The following TBC1D8 variants were observed in gnomAD, a reference collection of about 807,000 sequenced individuals.
TBC1D8 encodes TBC1 domain family member 8.
Under a neutral mutation model 118.8 loss-of-function variants are expected in TBC1D8, and 65 were observed. The ratio of observed to expected loss-of-function variants is 0.55; its 90% CI spans 0.45 to 0.67. TBC1D8 has a LOEUF of 0.67. Ranked by LOEUF, TBC1D8 falls within the 30% of genes least tolerant of loss-of-function variation. The pLI, the probability that TBC1D8 is intolerant of heterozygous loss-of-function variation, is 0.00. For missense variants in TBC1D8, 1,376 were observed against 1,471.2 expected (o/e 0.94, Z 1.06); for synonymous variants, 566 against 595.8 (o/e 0.95, Z 0.73).
rs769726360 is a variant in TBC1D8 at position 101,028,078 on chromosome 2, T to G, written c.2421A>C (p.Gln807His). Residue 807 changes from glutamine to histidine, a missense_variant, in exon 14 of 20, where the codon CAA becomes CAC. Transcript: ENST00000409318. ...LRYKHRIRVL[Q>H]GHEDTTKQNV... The stretch of plus-strand genomic sequence containing the variant: ...TCTGCTTTGTGGTGTCCTCGTGGCC[T>G]TGGAGGACCCTGATCCTGTGCTTGT... 6.2e-7 allele frequency: 1 copy of G among 1,613,914 alleles called. No individual in the cohort carries two copies. Among genetic ancestry groups the G allele is most frequent in the Non-Finnish European group, 8.5e-7 (1 of 1,179,912 alleles).
At chr2:101,108,853 C>G (rs1002270503) in intron 1 of TBC1D8, among the ~76,000 whole-genome samples, 1 of 152,004 alleles carries the variant, frequency 6.6e-6, no homozygotes, top group African/African-American at 2.4e-5. Context: ...AGCCTTTATT[C>G]AGCCTACCAC....
chr2:101,109,446 G>T (rs1449269816), intron 1 of TBC1D8, among the ~76,000 whole-genome samples: 1 of 152,110 alleles, frequency 6.6e-6, no homozygotes, highest in Non-Finnish European at 1.5e-5. Context: ...ACGGGTCAAA[G>T]ACAAAAATAT....
chr2:101,151,010 C>T, intron 1 of TBC1D8, 117 bp downstream of exon 1: 2 of 733,006 alleles, frequency 2.7e-6, no homozygotes, highest in Non-Finnish European at 3.3e-6. Flanking sequence ...GCCGTCCGGG[C>T]CCCGCGTCTC....
At chr2:101,125,040 A>G (rs1277404599) in intron 1 of TBC1D8, among the ~76,000 whole-genome samples, 2 of 152,196 alleles carry the variant, frequency 1.3e-5, no homozygotes, top group African/African-American at 4.8e-5. Flanking sequence ...ATTTCCTCTG[A>G]GCAAATGATA....
intron 1 of TBC1D8, among the ~76,000 whole-genome samples, chr2:101,105,488 C>T (rs1298563488): frequency 2.7e-5 from 4 of 150,578 alleles, no homozygotes; most frequent in Non-Finnish European, 5.9e-5. Context: ...ACTCCGGAGG[C>T]TGAAGCAGGA....
intron 1 of TBC1D8, among the ~76,000 whole-genome samples, chr2:101,113,832 C>A (rs1677710002): frequency 6.6e-6 from 1 of 152,150 alleles, no homozygotes; most frequent in Non-Finnish European, 1.5e-5. Flanking sequence ...GCGGCGGATT[C>A]CGGCTCCTCA....
At chr2:101,028,252 T>TC in intron 13 of TBC1D8, 51 bp downstream of exon 13, 4 of 1,557,428 alleles carry the variant, frequency 2.6e-6, no homozygotes, top group Non-Finnish European at 3.5e-6. Context: ...CAGTCACAAT[T>TC]CCCGGGGGGT....
chr2:101,140,848 C>T (rs1679070426), intron 1 of TBC1D8, among the ~76,000 whole-genome samples: 1 of 151,264 alleles, frequency 6.6e-6, no homozygotes, highest in Non-Finnish European at 1.5e-5. Context: ...CTGCAACCTC[C>T]GTCTCCGGGT....
In TBC1D8 at chr2:101,008,136, G is replaced by A. The variant is rs1368987690; in HGVS notation, c.3153C>T (p.Ser1051=). Residue 1051 remains serine (S), a synonymous_variant, in exon 20 of 20, where the codon AGC becomes AGT. Transcript: ENST00000409318. The part of the protein sequence containing the change: ...QIGEVGQRGS[S]SGSCSQECGE... Reference sequence around the variant, plus strand: ...CACACTCCTGGGAGCAGCTTCCAGAGCTGCTGCCTCGCTGCCCCACCTCCC... The same window carrying A: ...CACACTCCTGGGAGCAGCTTCCAGAACTGCTGCCTCGCTGCCCCACCTCCC... 1 of 1,613,898 alleles carries A rather than the reference G, an allele frequency of 6.2e-7. No homozygotes were observed. The highest frequency in any genetic ancestry group is 8.5e-7 in the Non-Finnish European group (1 of 1,179,812).
intron 1 of TBC1D8, among the ~76,000 whole-genome samples, chr2:101,118,090 G>A (rs183423769): frequency 8.6e-4 from 131 of 152,076 alleles, no homozygotes; most frequent in African/African-American, 2.9e-3. Flanking sequence ...ATAAAGTCAC[G>A]AATGAGTGAG....
rs752650342 is a variant in TBC1D8, at chr2:101,037,654, G to A, written c.1330C>T (p.Leu444Phe). ...CTATTTTGAGAAGACATCATTTCAAGATCCCCAAATCTGTGGTCACTGCAC... is the reference window on the plus strand; with the variant it reads ...CTATTTTGAGAAGACATCATTTCAAAATCCCCAAATCTGTGGTCACTGCAC... ...SMCSDHRFGDLEMMSSQNSEE... is the reference protein window; with the variant it reads ...SMCSDHRFGDFEMMSSQNSEE... Residue 444 changes from leucine (L) to phenylalanine (F), a missense_variant, in exon 8 of 20, where the codon CTT (leucine) becomes TTT (phenylalanine). By Grantham distance (22) the Leu-to-Phe change is conservative (BLOSUM62 0). Coordinates refer to ENST00000409318, the MANE Select transcript of TBC1D8 (RefSeq NM_001330348.2). 2.5e-6 allele frequency: 4 copies of A among 1,613,846 alleles called. No homozygotes were observed. The South Asian group carries it at 3.3e-5, about 13-fold the overall frequency.
chr2:101,026,784 C>A (rs1410009008), intron 15 of TBC1D8, among the ~76,000 whole-genome samples: 1 of 152,194 alleles, frequency 6.6e-6, no homozygotes. Context: ...ATGTTCTTTG[C>A]AGGATGATTC....
chr2:101,079,703 T>TG (rs1675128005), intron 2 of TBC1D8, among the ~76,000 whole-genome samples: 1 of 145,040 alleles, frequency 6.9e-6, no homozygotes, highest in Non-Finnish European at 1.5e-5. Context: ...TTTTTTTTTT[T>TG]GAGACGGAGT....
Position 101,022,314 on chromosome 2 carries a change from G to C in TBC1D8, c.2728C>G (p.Leu910Val). The C allele has an allele frequency of 6.2e-7, 1 of 1,613,006 alleles. No individual in the cohort carries two copies. The highest frequency in any genetic ancestry group is 1.1e-5 in the South Asian group (1 of 90,918). ...CTCACAAACGCTTTGAACTCGATGA[G>C]CTGGTCCATGTTGTCATCCAAGAGC... is the stretch of plus-strand genomic sequence containing the variant. ...FRLLDDNMDQ[L>V]IEFKAFVSCL... Residue 910 changes from leucine to valine, a missense_variant, in exon 16 of 20, where the codon CTC (leucine) becomes GTC (valine). By Grantham distance (32) the Leu-to-Val change is conservative. Transcript: ENST00000409318.
chr2:101,013,325 C>T (rs528949047), intron 17 of TBC1D8, among the ~76,000 whole-genome samples: 5 of 152,324 alleles, frequency 3.3e-5, no homozygotes, highest in African/African-American at 1.2e-4. Flanking sequence ...ATAGTAACTA[C>T]TAAGAATGCA....
Position 101,018,165 on chromosome 2 carries a change from T to C in TBC1D8, c.2827+3516A>G, listed in dbSNP as rs1679792458. On this transcript the variant is annotated intron_variant, in intron 17 of 19. Transcript: ENST00000409318. ...TCCCTCATTCATACAGATATTGCTG[T>C]ACTAATCTATAATTATGTTTTAGAA... 9.2e-6 allele frequency: 4 copies of C among 435,148 alleles called. No homozygotes were observed. The Admixed American group carries it at 1.5e-4, about 16-fold the overall frequency. 27.0% of individuals were successfully genotyped at this position (435,148 alleles called of 1,614,324 possible).
At chr2:101,060,409 C>T (rs1313710462) in intron 2 of TBC1D8, among the ~76,000 whole-genome samples, 1 of 152,180 alleles carries the variant, frequency 6.6e-6, no homozygotes, top group African/African-American at 2.4e-5. Context: ...CAAATGCATA[C>T]TTCATATCAT....
In TBC1D8 at chr2:101,105,608, AC is replaced by A. The variant is rs1279611309; in HGVS notation, c.128-15245del. Among the ~76,000 whole-genome samples the A allele has an allele frequency of 3.0e-4, 23 of 77,608 alleles. 1 individual carries two copies. The highest frequency in any genetic ancestry group is 1.8e-3 in the Admixed American group (13 of 7,304). 50.9% of individuals were successfully genotyped at this position (77,608 alleles called of 152,430 possible). ...GTCTCAAATTAAAAAAAAAAAAAAA[AC>A]ATATATATATATATAGTTGTCCAAC... On this transcript the variant is annotated intron_variant, in intron 1 of 19. Coordinates refer to ENST00000409318, the MANE Select transcript of TBC1D8 (RefSeq NM_001330348.2).
intron 2 of TBC1D8, among the ~76,000 whole-genome samples, chr2:101,071,983 G>A (rs908143228): frequency 2.6e-5 from 4 of 152,186 alleles, no homozygotes; most frequent in African/African-American, 9.7e-5. Flanking sequence ...AGACTTGAAA[G>A]TCAAAATTAC....
Sources: allele counts gnomAD v4.1 joint callset (sites outside exome capture counted in the v4.1 genomes callset), GRCh38; gene constraint gnomAD v4.1.1; transcripts MANE v1.5; gene names NCBI Gene and HGNC (gene_info 2026-07-23, HGNC 2026-07-21).